The following PHACTR3 variants were observed in gnomAD, a reference collection of about 807,000 sequenced individuals.
The protein encoded by PHACTR3 is phosphatase and actin regulator 3, also known as protein phosphatase 1, regulatory subunit 123.
A neutral mutation model predicts 66.8 loss-of-function variants in PHACTR3; 16 were observed. The observed-to-expected ratio is 0.24, with a 90% CI of 0.16 to 0.36. PHACTR3 has a LOEUF of 0.36. PHACTR3 is among the 10% of genes least tolerant of loss of function. The probability of loss-of-function intolerance (pLI) is 1.00; values close to 1 mark genes in which losing one functional copy is unlikely to be tolerated. For missense variants in PHACTR3, 647 were observed against 719.9 expected (o/e 0.90, Z 1.16); for synonymous variants, 323 against 292.1 (o/e 1.11, Z -1.08).
intron 7 of PHACTR3, among the ~76,000 whole-genome samples, chr20:59,788,410 C>A (rs1382202013): frequency 6.6e-6 from 1 of 152,052 alleles, no homozygotes; most frequent in East Asian, 1.9e-4. Flanking sequence ...CGCCTGGCAG[C>A]CCCTCCTCCC....
At chr20:59,798,600 A>G (rs142269033) in intron 7 of PHACTR3, among the ~76,000 whole-genome samples, 15 of 152,208 alleles carry the variant, frequency 9.9e-5, no homozygotes, top group Admixed American at 8.5e-4. Context: ...TGTTTTTTCA[A>G]GGAAGTTGTT....
At chr20:59,737,769 AC>A (rs112807658) in intron 1 of PHACTR3, among the ~76,000 whole-genome samples, 2,935 of 152,232 alleles carry the variant, frequency 0.019, 97 homozygotes, top group African/African-American at 0.068. Context: ...TCACCTCTGC[AC>A]ACCCTGTGCC....
intron 8 of PHACTR3, chr20:59,836,127 AC>A: frequency 6.0e-6 from 1 of 166,520 alleles, no homozygotes; most frequent in Non-Finnish European, 1.3e-5. Context: ...GGTGCTACCC[AC>A]CCCTCCCTAA....
intron 8 of PHACTR3, 94 bp from the exon 9 acceptor site, chr20:59,836,411 G>T: frequency 8.2e-7 from 1 of 1,212,678 alleles, no homozygotes; most frequent in Non-Finnish European, 1.2e-6. Flanking sequence ...CGATCTATAG[G>T]GGTTTGCCAG....
At chr20:59,762,569 G>A (rs1185909) in intron 4 of PHACTR3, among the ~76,000 whole-genome samples, 95,186 of 152,136 alleles carry the variant, frequency 0.63, 32,095 homozygotes, top group Non-Finnish European at 0.75. Flanking sequence ...GGTCAGGGTG[G>A]CTGCACATCT....
intron 1 of PHACTR3, among the ~76,000 whole-genome samples, chr20:59,688,304 T>C (rs1391142382): frequency 3.3e-5 from 5 of 152,100 alleles, no homozygotes; most frequent in Admixed American, 2.0e-4. Context: ...GAAGGCAGGA[T>C]AGAGGAGTGA....
At chr20:59,612,717 C>G (rs983751445) in intron 1 of PHACTR3, among the ~76,000 whole-genome samples, 2 of 152,252 alleles carry the variant, frequency 1.3e-5, no homozygotes, top group South Asian at 2.1e-4. Flanking sequence ...ACTGGGAATC[C>G]AGATTTTTAT....
intron 3 of PHACTR3, among the ~76,000 whole-genome samples, chr20:59,751,524 G>C (rs1207327473): frequency 6.6e-6 from 1 of 152,182 alleles, no homozygotes; most frequent in Non-Finnish European, 1.5e-5. Flanking sequence ...CCCTGAAGCA[G>C]GTGGGCAGCC....
intron 7 of PHACTR3, among the ~76,000 whole-genome samples, chr20:59,788,649 T>G (rs1159713585): frequency 2.0e-5 from 3 of 152,188 alleles, no homozygotes; most frequent in African/African-American, 7.2e-5. Context: ...TCTCCATCCC[T>G]GGCTCCAGCT....
At chr20:59,625,489 A>T (rs1309300135) in intron 1 of PHACTR3, among the ~76,000 whole-genome samples, 4 of 152,168 alleles carry the variant, frequency 2.6e-5, no homozygotes, top group Admixed American at 2.0e-4. Flanking sequence ...TTAGAAATCT[A>T]TTCATGGCCC....
At chr20:59,630,507 A>G (rs6070878) in intron 1 of PHACTR3, among the ~76,000 whole-genome samples, 105,993 of 152,198 alleles carry the variant, frequency 0.7, 37,265 homozygotes, top group East Asian at 0.89. Context: ...TTAGAAAAAT[A>G]TTGCATTTCC....
At chr20:59,792,876 A>G (rs142127253) in intron 7 of PHACTR3, among the ~76,000 whole-genome samples, 159 of 152,086 alleles carry the variant, frequency 1.0e-3, no homozygotes, top group African/African-American at 3.7e-3. Context: ...TTTGTAGTAT[A>G]TCTATTTATT....
intron 2 of PHACTR3, among the ~76,000 whole-genome samples, chr20:59,746,014 A>T: frequency 6.6e-6 from 1 of 152,182 alleles, no homozygotes; most frequent in East Asian, 1.9e-4. Context: ...TGTTCTTCTT[A>T]TCTGCTTTGT....
chr20:59,756,235 T>C (rs1402766101), intron 4 of PHACTR3, among the ~76,000 whole-genome samples: 1 of 152,318 alleles, frequency 6.6e-6, no homozygotes, highest in East Asian at 1.9e-4. Flanking sequence ...GGAGCTTCAC[T>C]GTTGACTTGG....
intron 8 of PHACTR3, among the ~76,000 whole-genome samples, chr20:59,817,732 A>G (rs1976407685): frequency 6.6e-6 from 1 of 152,196 alleles, no homozygotes; most frequent in South Asian, 2.1e-4. Flanking sequence ...TGTGGCCAGA[A>G]TTTCCAAGAG....
At chr20:59,740,511 GGTCTCAAA>G (rs2039114110) in intron 1 of PHACTR3, among the ~76,000 whole-genome samples, 1 of 151,192 alleles carries the variant, frequency 6.6e-6, no homozygotes, top group Non-Finnish European at 1.5e-5. Context: ...TACCCAGGCT[GGTCTCAAA>G]CTCTTGGGAT....
At position 59,732,365 on chromosome 20, in the gene PHACTR3, T is replaced by C. The variant is rs149078008; in HGVS notation, c.119-10742T>C. Among the ~76,000 whole-genome samples, 1,242 of 152,340 alleles carry C rather than the reference T, an allele frequency of 8.2e-3. 9 individuals carry two copies. The highest frequency in any genetic ancestry group is 0.027 in the Middle Eastern group (8 of 294). On this transcript the variant is annotated intron_variant, in intron 1 of 12. Coordinates refer to ENST00000371015, the MANE Select transcript of PHACTR3 (RefSeq NM_080672.5). ...TAAATGTAAAATGGAGCTGAAAATATAGGCCCTGCCTGTTAGGGTTGTTTG... is the reference window on the plus strand; with the variant it reads ...TAAATGTAAAATGGAGCTGAAAATACAGGCCCTGCCTGTTAGGGTTGTTTG...
chr20:59,825,149 C>T (rs1326367146), intron 8 of PHACTR3, among the ~76,000 whole-genome samples: 4 of 152,184 alleles, frequency 2.6e-5, no homozygotes, highest in African/African-American at 9.7e-5. Flanking sequence ...TGGAGGGGTC[C>T]TGAGTCCCTA....
intron 4 of PHACTR3, among the ~76,000 whole-genome samples, chr20:59,762,518 T>C (rs2040025954): frequency 6.6e-6 from 1 of 152,168 alleles, no homozygotes; most frequent in African/African-American, 2.4e-5. Flanking sequence ...AAGGAAGAAA[T>C]GTGTCCATCA....
Sources: allele counts gnomAD v4.1 joint callset (sites outside exome capture counted in the v4.1 genomes callset), GRCh38; gene constraint gnomAD v4.1.1; transcripts MANE v1.5; gene names NCBI Gene and HGNC (gene_info 2026-07-23, HGNC 2026-07-21).